Variants in KCNMB2 observed in about 807,000 individuals in gnomAD.
KCNMB2 encodes the protein calcium-activated potassium channel subunit beta-2.
In KCNMB2, 9 loss-of-function variants were observed where a neutral mutation model predicts 24.5. The observed-to-expected ratio is 0.37, with a 90% CI of 0.22 to 0.64. KCNMB2 has a LOEUF of 0.64. Ranked by LOEUF, KCNMB2 falls within the 30% of genes least tolerant of loss-of-function variation. The pLI, the probability that KCNMB2 is intolerant of heterozygous loss-of-function variation, is 0.63. For missense variants in KCNMB2, 226 were observed against 284.3 expected (o/e 0.79, Z 1.47); for synonymous variants, 109 against 104.4 (o/e 1.04, Z -0.27).
chr3:178,564,902 G>A (rs1320834356), intron 1 of KCNMB2, among the ~76,000 whole-genome samples: 1 of 151,924 alleles, frequency 6.6e-6, no homozygotes, highest in African/African-American at 2.4e-5. Flanking sequence ...TTAAAATTTT[G>A]GAGGCAACCT....
intron 1 of KCNMB2, among the ~76,000 whole-genome samples, chr3:178,730,416 C>G (rs1332618710): frequency 7.0e-6 from 1 of 142,908 alleles, no homozygotes; most frequent in African/African-American, 2.6e-5. Context: ...CCCCCCCACA[C>G]ACACACACAC....
At chr3:178,695,811 T>A (rs1167862281) in intron 1 of KCNMB2, among the ~76,000 whole-genome samples, 1 of 152,058 alleles carries the variant, frequency 6.6e-6, no homozygotes. Flanking sequence ...CTCTAGGGAG[T>A]TCCAAACTTT....
intron 1 of KCNMB2, among the ~76,000 whole-genome samples, chr3:178,590,437 T>C (rs555502720): frequency 1.3e-5 from 2 of 152,350 alleles, no homozygotes; most frequent in South Asian, 2.1e-4. Flanking sequence ...TTTTGTTTTG[T>C]ATTTATGACT....
intron 2 of KCNMB2, among the ~76,000 whole-genome samples, chr3:178,810,591 C>T (rs1404109296): frequency 6.6e-6 from 1 of 152,160 alleles, no homozygotes; most frequent in African/African-American, 2.4e-5. Context: ...TAATTCCAAG[C>T]CAGATCTTTT....
chr3:178,776,296 T>C (rs142385381), intron 1 of KCNMB2, among the ~76,000 whole-genome samples: 2 of 152,254 alleles, frequency 1.3e-5, no homozygotes, highest in African/African-American at 4.8e-5. Flanking sequence ...CCCTCCATCA[T>C]CTTCACTCTC....
chr3:178,703,693 C>T (rs916755835), intron 1 of KCNMB2, among the ~76,000 whole-genome samples: 6 of 152,218 alleles, frequency 3.9e-5, no homozygotes, highest in African/African-American at 1.4e-4. Flanking sequence ...TTGAGAGTCA[C>T]ATGAATGTAT....
chr3:178,564,044 G>C (rs1313183029), intron 1 of KCNMB2, among the ~76,000 whole-genome samples: 1 of 152,188 alleles, frequency 6.6e-6, no homozygotes, highest in East Asian at 1.9e-4. Context: ...ACTTTGGGAG[G>C]CAAGGCAGGT....
intron 1 of KCNMB2, among the ~76,000 whole-genome samples, chr3:178,803,598 C>T (rs1477844199): frequency 6.6e-6 from 1 of 152,160 alleles, no homozygotes; most frequent in Non-Finnish European, 1.5e-5. Context: ...GCATGAGACA[C>T]AGTCCTGCCC....
chr3:178,617,502 T>C (rs1019748451), intron 1 of KCNMB2, among the ~76,000 whole-genome samples: 4 of 147,242 alleles, frequency 2.7e-5, no homozygotes, highest in African/African-American at 7.5e-5. Context: ...AGGTTGCAGA[T>C]TGGGCGGCAG....
intron 1 of KCNMB2, among the ~76,000 whole-genome samples, chr3:178,756,924 C>G (rs568624675): frequency 3.3e-5 from 5 of 151,892 alleles, no homozygotes; most frequent in African/African-American, 1.2e-4. Flanking sequence ...AGCACTTCAG[C>G]AGTACTCTTG....
intron 1 of KCNMB2, among the ~76,000 whole-genome samples, chr3:178,603,040 T>G (rs1718144981): frequency 6.6e-6 from 1 of 152,134 alleles, no homozygotes; most frequent in Non-Finnish European, 1.5e-5. Context: ...GGTGATGGAC[T>G]GTGATCAAGG....
Position 178,844,011 on chromosome 3 carries a change from GTTATATT to G in KCNMB2, c.*1080_*1086del, listed in dbSNP as rs1384910956. On this transcript the variant is annotated 3_prime_UTR_variant, in exon 5 of 5. Coordinates refer to ENST00000452583, the MANE Select transcript of KCNMB2 (RefSeq NM_181361.3). ...TCTATTTATAATTCCCTTTTTTGTT[GTTATATT>G]TTATACACAGAATAGATCTTTTTTC... 27 of 152,234 alleles carry G rather than the reference GTTATATT, an allele frequency of 1.8e-4. No individual in the cohort carries two copies. Among genetic ancestry groups the G allele is most frequent in the Admixed American group, 6.6e-4 (10 of 15,250 alleles). 9.4% of individuals were successfully genotyped at this position (152,234 alleles called of 1,614,324 possible). A position where few individuals can be genotyped will look rare whatever the true frequency, so the allele number is the denominator to read the frequency against.
At chr3:178,606,168 T>C (rs1718264395) in intron 1 of KCNMB2, among the ~76,000 whole-genome samples, 1 of 152,158 alleles carries the variant, frequency 6.6e-6, no homozygotes, top group African/African-American at 2.4e-5. Flanking sequence ...TTTTATAGTA[T>C]AGGACCTATT....
intron 1 of KCNMB2, among the ~76,000 whole-genome samples, chr3:178,585,703 G>C (rs1358439694): frequency 6.6e-6 from 1 of 152,136 alleles, no homozygotes; most frequent in East Asian, 1.9e-4. Flanking sequence ...AGAGACTTAG[G>C]CATCTGATAA....
chr3:178,730,411 CCA>C (rs71628069), intron 1 of KCNMB2, among the ~76,000 whole-genome samples: 1,652 of 142,818 alleles, frequency 0.012, 28 homozygotes, highest in Non-Finnish European at 0.018. Context: ...CAACACCCCC[CCA>C]CACACACACA....
At chr3:178,782,854 G>C (rs1402228457) in intron 1 of KCNMB2, among the ~76,000 whole-genome samples, 2 of 151,792 alleles carry the variant, frequency 1.3e-5, no homozygotes, top group East Asian at 3.9e-4. Flanking sequence ...TTTTAGACAG[G>C]AAGTCCTTGC....
chr3:178,665,424 G>GT (rs1553830489), intron 1 of KCNMB2, among the ~76,000 whole-genome samples: 6 of 151,702 alleles, frequency 4.0e-5, no homozygotes, highest in East Asian at 1.9e-4. Flanking sequence ...CAAATAAACT[G>GT]TTTTTTTTAA....
chr3:178,548,556 T>C (rs1166344953), intron 1 of KCNMB2, among the ~76,000 whole-genome samples: 1 of 152,210 alleles, frequency 6.6e-6, no homozygotes, highest in Middle Eastern at 3.2e-3. Flanking sequence ...TATATCTCTG[T>C]CCCTGAGCCC....
At chr3:178,619,016 C>T (rs909879275) in intron 1 of KCNMB2, among the ~76,000 whole-genome samples, 1 of 152,104 alleles carries the variant, frequency 6.6e-6, no homozygotes, top group East Asian at 1.9e-4. Flanking sequence ...TCCCAAAGCC[C>T]GTGTCCTAAA....
Sources: allele counts gnomAD v4.1 joint callset (sites outside exome capture counted in the v4.1 genomes callset), GRCh38; gene constraint gnomAD v4.1.1; transcripts MANE v1.5; gene names NCBI Gene and HGNC (gene_info 2026-07-23, HGNC 2026-07-21).